ZBTB20: variants seen among roughly 807,000 people sequenced by gnomAD.
ZBTB20 encodes the protein zinc finger and BTB domain-containing protein 20.
Under a neutral mutation model 56.9 loss-of-function variants are expected in ZBTB20, and 9 were observed. The ratio of observed to expected loss-of-function variants is 0.16; its 90% CI spans 0.10 to 0.28. The LOEUF (loss-of-function observed/expected upper bound fraction) is 0.28. ZBTB20 is among the 10% of genes least tolerant of loss of function. The pLI, the probability that ZBTB20 is intolerant of heterozygous loss-of-function variation, is 1.00. For synonymous variants in ZBTB20, 417 were observed against 420.7 expected (o/e 0.99, Z 0.11); for missense variants, 655 against 1,003.0 (o/e 0.65, Z 4.69).
intron 7 of ZBTB20, among the ~76,000 whole-genome samples, chr3:114,422,791 G>A (rs958790564): frequency 1.3e-5 from 2 of 152,104 alleles, no homozygotes; most frequent in African/African-American, 4.8e-5. Flanking sequence ...CTCATTTGGG[G>A]AGAATGACAC....
At chr3:114,611,610 A>T (rs1336396664) in intron 6 of ZBTB20, among the ~76,000 whole-genome samples, 1 of 152,190 alleles carries the variant, frequency 6.6e-6, no homozygotes, top group Non-Finnish European at 1.5e-5. Context: ...TACAGTTACA[A>T]TTACCCAATC....
chr3:115,020,229 CA>C (rs1312674988), intron 2 of ZBTB20, among the ~76,000 whole-genome samples: 2 of 151,110 alleles, frequency 1.3e-5, no homozygotes, highest in East Asian at 3.9e-4. Context: ...ATTGCTTATT[CA>C]AAAAGACAAA....
intron 7 of ZBTB20, among the ~76,000 whole-genome samples, chr3:114,489,472 T>TA (rs781505974): frequency 3.0e-4 from 46 of 152,182 alleles, no homozygotes; most frequent in Non-Finnish European, 5.4e-4. Context: ...ATTCAGATGT[T>TA]ATAGTGCTAT....
At chr3:114,786,565 A>AAATATCAGAAATAT (rs1368449381) in intron 5 of ZBTB20, among the ~76,000 whole-genome samples, 1 of 152,128 alleles carries the variant, frequency 6.6e-6, no homozygotes, top group Non-Finnish European at 1.5e-5. Flanking sequence ...GAGTGGGGGA[A>AAATATCAGAAATAT]AATAATAGTA....
chr3:114,539,547 G>C (rs2048872413), intron 6 of ZBTB20, among the ~76,000 whole-genome samples: 1 of 152,036 alleles, frequency 6.6e-6, no homozygotes, highest in Non-Finnish European at 1.5e-5. Context: ...GATCACACAT[G>C]GTAAGCCTCG....
rs566701865 is a variant in ZBTB20, at chr3:114,761,213, C to G, written c.-343+39888G>C. Among the ~76,000 whole-genome samples, 14 of 152,268 alleles carry G rather than the reference C, an allele frequency of 9.2e-5. No individual in the cohort carries two copies. In the East Asian group the frequency reaches 2.7e-3, roughly 29 times the overall value. ...GTATGTATTGAGCTCCTACTATATA[C>G]TGAGCACTTATCAGTAAATGTTTGA... is the stretch of plus-strand genomic sequence containing the variant. On this transcript the variant is annotated intron_variant, in intron 5 of 11. Transcript: ENST00000675478.
At chr3:114,781,616 G>A (rs1046886100) in intron 5 of ZBTB20, among the ~76,000 whole-genome samples, 5 of 152,142 alleles carry the variant, frequency 3.3e-5, no homozygotes, top group Non-Finnish European at 7.3e-5. Context: ...ACACCCATTT[G>A]TGGCTTAAAG....
At chr3:115,147,138 G>C (rs937166851) in intron 1 of ZBTB20, 81 bp downstream of exon 1, 1 of 129,796 alleles carries the variant, frequency 7.7e-6, no homozygotes, top group South Asian at 2.5e-4. Context: ...GCGCCTCGCA[G>C]ACGCCTCATC....
intron 2 of ZBTB20, among the ~76,000 whole-genome samples, chr3:115,007,756 G>T (rs562202335): frequency 6.6e-6 from 1 of 151,614 alleles, no homozygotes; most frequent in East Asian, 2.0e-4. Flanking sequence ...ACTGACTTCT[G>T]CCCTTATAAC....
chr3:114,470,206 T>C (rs2039970021), intron 7 of ZBTB20, among the ~76,000 whole-genome samples: 1 of 152,176 alleles, frequency 6.6e-6, no homozygotes, highest in Non-Finnish European at 1.5e-5. Context: ...GATTACCCTA[T>C]GTTTCCCTTA....
chr3:114,388,433 G>A (rs2085417346), intron 8 of ZBTB20: 1 of 152,122 alleles, frequency 6.6e-6, no homozygotes, highest in Admixed American at 6.6e-5. Flanking sequence ...TGCATGGCGG[G>A]AACTAAATCA....
chr3:115,086,554 T>C (rs1487373491), intron 1 of ZBTB20, among the ~76,000 whole-genome samples: 3 of 151,824 alleles, frequency 2.0e-5, no homozygotes, highest in African/African-American at 4.8e-5. Context: ...CTAGCTGCTA[T>C]TTGCAAGTAG....
chr3:114,569,697 C>T (rs927501332), intron 6 of ZBTB20, among the ~76,000 whole-genome samples: 16 of 152,206 alleles, frequency 1.1e-4, no homozygotes, highest in Non-Finnish European at 1.9e-4. Context: ...TGAGTTGGCT[C>T]CTTTATGCTA....
chr3:114,389,820 C>T (rs932827015), intron 7 of ZBTB20, among the ~76,000 whole-genome samples: 2 of 126,934 alleles, frequency 1.6e-5, no homozygotes, highest in South Asian at 2.6e-4. Context: ...ACCCGGGAGG[C>T]GGAGGTTGCA....
intron 6 of ZBTB20, among the ~76,000 whole-genome samples, chr3:114,605,401 T>C (rs2057068221): frequency 6.6e-6 from 1 of 152,188 alleles, no homozygotes. Flanking sequence ...CCATTTTGTG[T>C]AAGAATTTCT....
intron 6 of ZBTB20, among the ~76,000 whole-genome samples, chr3:114,611,376 G>A (rs1177145512): frequency 6.6e-6 from 1 of 152,072 alleles, no homozygotes; most frequent in Non-Finnish European, 1.5e-5. Context: ...CTCACAAACG[G>A]GAACACAGAA....
chr3:114,481,057 T>C (rs1489875490), intron 7 of ZBTB20, among the ~76,000 whole-genome samples: 1 of 152,170 alleles, frequency 6.6e-6, no homozygotes, highest in African/African-American at 2.4e-5. Flanking sequence ...AGGAAAGTTC[T>C]GACAGATTGG....
At chr3:115,102,015 T>C (rs2083600049) in intron 1 of ZBTB20, among the ~76,000 whole-genome samples, 1 of 152,226 alleles carries the variant, frequency 6.6e-6, no homozygotes, top group Non-Finnish European at 1.5e-5. Flanking sequence ...ATGTTTAGAA[T>C]ACAGATCAAT....
chr3:114,514,455 G>A (rs2045755828), intron 6 of ZBTB20, among the ~76,000 whole-genome samples: 3 of 152,202 alleles, frequency 2.0e-5, no homozygotes, highest in African/African-American at 7.2e-5. Flanking sequence ...TAGGAGCAGA[G>A]CTTTTCTTAC....
Sources: allele counts gnomAD v4.1 joint callset (sites outside exome capture counted in the v4.1 genomes callset), GRCh38; gene constraint gnomAD v4.1.1; transcripts MANE v1.5; gene names NCBI Gene and HGNC (gene_info 2026-07-23, HGNC 2026-07-21).